The following MAPK14 variants were observed in gnomAD, a reference collection of about 807,000 sequenced individuals.
MAPK14 encodes the protein mitogen-activated protein kinase 14.
In MAPK14, 16 loss-of-function variants were observed where a neutral mutation model predicts 49.6. That is an observed-to-expected ratio of 0.32 (90% CI 0.22 to 0.49). The LOEUF is 0.49. Ranked by LOEUF, MAPK14 falls within the 20% of genes least tolerant of loss-of-function variation. The pLI, the probability that MAPK14 is intolerant of heterozygous loss-of-function variation, is 0.99. For synonymous variants in MAPK14, 142 were observed against 158.0 expected (o/e 0.90, Z 0.76); for missense variants, 200 against 441.2 (o/e 0.45, Z 4.90).
Position 36,028,359 on chromosome 6 carries a change from G to A in MAPK14, c.116+86G>A. ...GGCCTGCTCCACTGCTCAGCGTTGCGTCAAGTGGCAGGAATTTTCCTCGGG... is the reference window on the plus strand; with the variant it reads ...GGCCTGCTCCACTGCTCAGCGTTGCATCAAGTGGCAGGAATTTTCCTCGGG... On this transcript the variant is annotated intron_variant, in intron 1 of 11. Transcript: ENST00000229794. The surrounding 1 kb of genome is among the most constrained non-coding windows in gnomAD (Gnocchi z 5.1). 1 of 938,822 alleles carries A rather than the reference G, an allele frequency of 1.1e-6. No homozygotes were observed. Among genetic ancestry groups the A allele is most frequent in the Non-Finnish European group, 1.7e-6 (1 of 597,598 alleles). 58.2% of individuals were successfully genotyped at this position (938,822 alleles called of 1,614,324 possible).
chr6:36,044,788 T>G (rs577262015), intron 1 of MAPK14, among the ~76,000 whole-genome samples: 1 of 152,142 alleles, frequency 6.6e-6, no homozygotes, highest in African/African-American at 2.4e-5. Context: ...CTGAAGAATA[T>G]GGAGCTTATC....
intron 8 of MAPK14, among the ~76,000 whole-genome samples, chr6:36,085,281 A>G (rs1764933719): frequency 6.6e-6 from 1 of 152,212 alleles, no homozygotes; most frequent in African/African-American, 2.4e-5. Flanking sequence ...ATAACCAGCT[A>G]GCATCATGAT....
chr6:36,092,574 C>A, intron 8 of MAPK14: 1 of 472,884 alleles, frequency 2.1e-6, no homozygotes. Context: ...GACCCATTTT[C>A]CTTCTGAAAT....
Position 36,061,380 on chromosome 6 carries a change from T to A in MAPK14, c.305+2033T>A, listed in dbSNP as rs1763815352. ...TATTTAGAAGGTTAAGTGTTACTGA[T>A]AGTGGTGCCTTTGTTTGGCTCCTTC... is the stretch of plus-strand genomic sequence containing the variant. On this transcript the variant is annotated intron_variant, in intron 3 of 11. Coordinates refer to ENST00000229794, the MANE Select transcript of MAPK14 (RefSeq NM_139012.3). Among the ~76,000 whole-genome samples, 5 of 152,222 alleles carry A rather than the reference T, an allele frequency of 3.3e-5. No homozygotes were observed. In the South Asian group the frequency reaches 1.0e-3, roughly 32 times the overall value.
At chr6:36,082,627 AC>A (rs750928136) in intron 8 of MAPK14, among the ~76,000 whole-genome samples, 10 of 152,140 alleles carry the variant, frequency 6.6e-5, no homozygotes, top group African/African-American at 9.7e-5. Flanking sequence ...CTTTTAAACA[AC>A]CAGCATTTGC....
the MAPK14 span, among the ~76,000 whole-genome samples, chr6:36,116,331 A>C: frequency 6.6e-6 from 1 of 151,716 alleles, no homozygotes; most frequent in African/African-American, 2.4e-5. Context: ...CAAACAAACA[A>C]TTAGAATCTT....
At chr6:36,075,988 GC>G in intron 7 of MAPK14, 26 bp downstream of exon 7, 1 of 1,612,192 alleles carries the variant, frequency 6.2e-7, no homozygotes, top group Non-Finnish European at 8.5e-7. Context: ...GTTATTTAGG[GC>G]CTTATTTAAT....
intron 2 of MAPK14, 40 bp from the exon 3 acceptor site, chr6:36,059,249 T>A: frequency 7.7e-7 from 1 of 1,299,144 alleles, no homozygotes; most frequent in Non-Finnish European, 1.1e-6. Flanking sequence ...ATACTGAGTT[T>A]AATATTTATT....
In MAPK14 at chr6:36,107,636, C is replaced by G; in HGVS notation, c.1015+8C>G. 1.9e-6 allele frequency: 3 copies of G among 1,547,162 alleles called. No individual in the cohort carries two copies. Among genetic ancestry groups the G allele is most frequent in the Non-Finnish European group, 2.6e-6 (3 of 1,147,654 alleles). ...TTATAGATGAGTGGAAAAGTAAGTC[C>G]TAAGGGTAGGATTAACATCTTGAAC... is the stretch of plus-strand genomic sequence containing the variant. On this transcript the variant is annotated splice_region_variant and intron_variant, in intron 11 of 11. Coordinates refer to ENST00000229794, the MANE Select transcript of MAPK14 (RefSeq NM_139012.3). This position sits in a 1 kb window ranked among gnomAD's most constrained non-coding sequence, Gnocchi z 4.3.
chr6:36,055,128 C>G (rs767532183), intron 2 of MAPK14, among the ~76,000 whole-genome samples: 1 of 152,250 alleles, frequency 6.6e-6, no homozygotes, highest in African/African-American at 2.4e-5. Flanking sequence ...CCTGATTGAA[C>G]TTCTGACCTT....
At chr6:36,120,004 G>A in the MAPK14 span, among the ~76,000 whole-genome samples, 1,663 of 152,290 alleles carry the variant, frequency 0.011, 22 homozygotes, top group African/African-American at 0.037. Context: ...GAGAGGGCAT[G>A]GAATCAGAGA....
chr6:36,066,204 T>A (rs1764050127), intron 3 of MAPK14, among the ~76,000 whole-genome samples: 1 of 152,192 alleles, frequency 6.6e-6, no homozygotes, highest in South Asian at 2.1e-4. Flanking sequence ...TGAACCTAAT[T>A]GTATAATATC....
intron 3 of MAPK14, among the ~76,000 whole-genome samples, chr6:36,069,595 G>T (rs1423416425): frequency 1.3e-5 from 2 of 152,044 alleles, no homozygotes; most frequent in African/African-American, 4.8e-5. Context: ...TAATGTTTTG[G>T]CAGTCTCACC....
At chr6:36,059,212 AAAG>A (rs1166636389) in intron 2 of MAPK14, 74 bp from the exon 3 acceptor site, 20 of 931,938 alleles carry the variant, frequency 2.1e-5, no homozygotes, top group East Asian at 1.1e-4. Context: ...CTTTAAAAAA[AAAG>A]AAGATTAAGA....
chr6:36,061,302 G>A (rs907521248), intron 3 of MAPK14, among the ~76,000 whole-genome samples: 1 of 152,098 alleles, frequency 6.6e-6, no homozygotes, highest in African/African-American at 2.4e-5. Flanking sequence ...TTCTGGAACC[G>A]GATTAAGAAC....
In MAPK14 at chr6:36,107,291, CAT is replaced by C. The variant is rs1389494395; in HGVS notation, c.842-162_842-161del. 1.0e-3 allele frequency among the ~76,000 whole-genome samples: 150 copies of C among 144,582 alleles called. No homozygotes were observed. The highest frequency in any genetic ancestry group is 3.6e-3 in the African/African-American group (140 of 39,418). 94.9% of individuals were successfully genotyped at this position (144,582 alleles called of 152,430 possible). On this transcript the variant is annotated intron_variant, in intron 10 of 11. Coordinates refer to ENST00000229794, the MANE Select transcript of MAPK14 (RefSeq NM_139012.3). This position sits in a 1 kb window ranked among gnomAD's most constrained non-coding sequence, Gnocchi z 4.3. ...AGATACACACACACACACACACACA[CAT>C]ACACACATAAAGGAGAAGAGGGCTA... is the stretch of plus-strand genomic sequence containing the variant.
chr6:36,035,124 C>G (rs1762692401), intron 1 of MAPK14, among the ~76,000 whole-genome samples: 1 of 152,056 alleles, frequency 6.6e-6, no homozygotes, highest in Non-Finnish European at 1.5e-5. Flanking sequence ...GTCTCGAACT[C>G]CTGACCTTGT....
At chr6:36,091,589 T>C (rs779383814) in intron 8 of MAPK14, among the ~76,000 whole-genome samples, 2 of 152,210 alleles carry the variant, frequency 1.3e-5, no homozygotes, top group African/African-American at 4.8e-5. Flanking sequence ...GGACAAATCA[T>C]AGTGGCCTTA....
chr6:36,078,060 A>C (rs907472686), intron 8 of MAPK14, among the ~76,000 whole-genome samples: 5 of 152,164 alleles, frequency 3.3e-5, no homozygotes, highest in African/African-American at 9.7e-5. Flanking sequence ...GTAGACACAC[A>C]AGGTGGCAGA....
Sources: allele counts gnomAD v4.1 joint callset (sites outside exome capture counted in the v4.1 genomes callset), GRCh38; gene constraint gnomAD v4.1.1; non-coding constraint Gnocchi (gnomAD v3.1); transcripts MANE v1.5; gene names NCBI Gene and HGNC (gene_info 2026-07-23, HGNC 2026-07-21).